STPG2: variants seen among roughly 807,000 people sequenced by gnomAD.
STPG2 encodes the protein sperm tail PG-rich repeat containing 2.
A neutral mutation model predicts 54.2 loss-of-function variants in STPG2; 56 were observed. The ratio of observed to expected loss-of-function variants is 1.03; its 90% confidence interval spans 0.83 to 1.29. STPG2 has a LOEUF of 1.29. Ranked by LOEUF, STPG2 falls within the 50% of genes most tolerant of loss-of-function variation. The probability of loss-of-function intolerance (pLI) is 0.00; values close to 1 mark genes in which losing one functional copy is unlikely to be tolerated. For synonymous variants in STPG2, 200 were observed against 181.8 expected (o/e 1.10, Z -0.81); for missense variants, 596 against 544.9 (o/e 1.09, Z -0.93).
intron 4 of STPG2, among the ~76,000 whole-genome samples, chr4:97,495,113 T>C (rs1403427149): frequency 6.6e-6 from 1 of 151,570 alleles, no homozygotes; most frequent in Non-Finnish European, 1.5e-5. Flanking sequence ...AATATAGATA[T>C]ATAATAAACA....
intron 8 of STPG2, among the ~76,000 whole-genome samples, chr4:97,932,923 G>A (rs923924080): frequency 6.6e-6 from 1 of 152,150 alleles, no homozygotes; most frequent in Non-Finnish European, 1.5e-5. Context: ...CCTGGTTCTA[G>A]ATCATTAAGG....
chr4:97,599,131 G>T (rs1043809204), intron 10 of STPG2, among the ~76,000 whole-genome samples: 4 of 152,026 alleles, frequency 2.6e-5, no homozygotes, highest in Non-Finnish European at 5.9e-5. Context: ...ACATATTTGC[G>T]GCCAGCAAGC....
intron 2 of STPG2, among the ~76,000 whole-genome samples, chr4:98,131,008 C>T (rs1412577310): frequency 1.3e-5 from 2 of 151,392 alleles, no homozygotes; most frequent in African/African-American, 2.4e-5. Flanking sequence ...TCTCCCTTCG[C>T]TCCTGTACTC....
intron 8 of STPG2, among the ~76,000 whole-genome samples, chr4:97,892,815 G>C (rs1578661113): frequency 1.3e-5 from 2 of 152,194 alleles, no homozygotes; most frequent in Non-Finnish European, 2.9e-5. Flanking sequence ...GGCACTAGCA[G>C]CTGTCACCTG....
chr4:97,830,581 A>G (rs547422707), intron 9 of STPG2, among the ~76,000 whole-genome samples: 5 of 152,312 alleles, frequency 3.3e-5, no homozygotes, highest in East Asian at 1.9e-4. Context: ...CAGACTGGAA[A>G]AATGGATAAA....
At chr4:97,980,286 A>G (rs1734631000) in intron 6 of STPG2, among the ~76,000 whole-genome samples, 1 of 152,214 alleles carries the variant, frequency 6.6e-6, no homozygotes, top group Admixed American at 6.5e-5. Context: ...TGTAGGAACA[A>G]TGTAAATATT....
At chr4:97,668,213 A>C (rs1722585221) in intron 10 of STPG2, among the ~76,000 whole-genome samples, 1 of 152,190 alleles carries the variant, frequency 6.6e-6, no homozygotes, top group Non-Finnish European at 1.5e-5. Flanking sequence ...GGCAACAGGC[A>C]AAGCCAAAAT....
chr4:97,483,949 A>G (rs1385970065), intron 4 of STPG2, among the ~76,000 whole-genome samples: 2 of 151,906 alleles, frequency 1.3e-5, no homozygotes, highest in African/African-American at 4.8e-5. Flanking sequence ...ATACATGGCA[A>G]TTAAATAACC....
At chr4:97,806,254 A>T (rs1300858098) in intron 9 of STPG2, among the ~76,000 whole-genome samples, 3 of 152,194 alleles carry the variant, frequency 2.0e-5, no homozygotes, top group Non-Finnish European at 4.4e-5. Flanking sequence ...TCCAAAGTTA[A>T]TTAATTCAGA....
chr4:97,499,305 T>C (rs1049444244), intron 4 of STPG2, among the ~76,000 whole-genome samples: 2 of 151,970 alleles, frequency 1.3e-5, no homozygotes, highest in African/African-American at 4.8e-5. Flanking sequence ...ATGAATTACA[T>C]TCAGCTGCAG....
intron 10 of STPG2, among the ~76,000 whole-genome samples, chr4:97,658,849 G>T (rs1370852826): frequency 6.6e-6 from 1 of 152,126 alleles, no homozygotes; most frequent in Non-Finnish European, 1.5e-5. Context: ...GAGTATTAAA[G>T]AAATATACAC....
At chr4:97,991,539 A>G (rs1461583145) in intron 5 of STPG2, among the ~76,000 whole-genome samples, 1 of 150,986 alleles carries the variant, frequency 6.6e-6, no homozygotes, top group African/African-American at 2.4e-5. Context: ...TACTTTTGCA[A>G]TTGCAAATTG....
At chr4:97,790,526 T>C in intron 9 of STPG2, among the ~76,000 whole-genome samples, 1 of 152,120 alleles carries the variant, frequency 6.6e-6, no homozygotes, top group South Asian at 2.1e-4. Context: ...TTTGCCAGGA[T>C]TGAGTTCCAT....
At chr4:97,990,143 T>G (rs1734958894) in intron 5 of STPG2, among the ~76,000 whole-genome samples, 1 of 152,196 alleles carries the variant, frequency 6.6e-6, no homozygotes, top group Non-Finnish European at 1.5e-5. Flanking sequence ...AGAAGAATTT[T>G]TTGCATAAAT....
intron 5 of STPG2, among the ~76,000 whole-genome samples, chr4:98,063,314 T>C (rs1269152849): frequency 6.6e-6 from 1 of 151,964 alleles, no homozygotes; most frequent in African/African-American, 2.4e-5. Flanking sequence ...CTGGGCATGG[T>C]GGCACATGCC....
rs542581877 is a variant in STPG2 at position 97,660,780 on chromosome 4, C to T, written c.1320+51919G>A. On this transcript the variant is annotated intron_variant, in intron 10 of 10. Coordinates refer to ENST00000295268, the MANE Select transcript of STPG2 (RefSeq NM_174952.3). ...GTCATTATCCCAGTTTTATAGACAA[C>T]GAAATGCAGGCTCCAAAAGGTTAAA... 1.1e-4 allele frequency among the ~76,000 whole-genome samples: 16 copies of T among 152,162 alleles called. No individual in the cohort carries two copies. The South Asian group carries it at 1.5e-3, about 14-fold the overall frequency.
At chr4:97,828,788 C>T (rs905501149) in intron 9 of STPG2, among the ~76,000 whole-genome samples, 5 of 152,134 alleles carry the variant, frequency 3.3e-5, no homozygotes, top group African/African-American at 1.2e-4. Flanking sequence ...TGGGTGGAGC[C>T]CACCACAGCT....
rs563032189 is a variant in STPG2, at chr4:98,100,211, A to T, written c.612+5742T>A. Reference sequence around the variant, plus strand: ...TTAAATAAAACTGCCCATTTTTCAGATCTGTAATTAATTCATTCAGAAAGC... The same window carrying T: ...TTAAATAAAACTGCCCATTTTTCAGTTCTGTAATTAATTCATTCAGAAAGC... On this transcript the variant is annotated intron_variant, in intron 5 of 10. Coordinates refer to ENST00000295268, the MANE Select transcript of STPG2 (RefSeq NM_174952.3). 7.9e-5 allele frequency among the ~76,000 whole-genome samples: 12 copies of T among 152,302 alleles called. No homozygotes were observed. The South Asian group carries it at 2.5e-3, about 32-fold the overall frequency.
chr4:97,619,255 A>G (rs558407252), intron 10 of STPG2, among the ~76,000 whole-genome samples: 25 of 151,804 alleles, frequency 1.6e-4, no homozygotes, highest in African/African-American at 4.8e-4. Flanking sequence ...GTGTGTGTGT[A>G]TATCTATATG....
Sources: gnomAD v4.1 joint callset for allele counts (sites outside exome capture counted in the v4.1 genomes callset) on GRCh38, gnomAD v4.1.1 for gene constraint, MANE v1.5 for transcripts, NCBI Gene and HGNC (gene_info 2026-07-23, HGNC 2026-07-21) for gene names.